The following GRIK2 variants were observed in gnomAD, a reference collection of about 807,000 sequenced individuals.
GRIK2 encodes glutamate ionotropic receptor kainate type subunit 2.
In GRIK2, 32 loss-of-function variants were observed where a neutral mutation model predicts 100.3. That is an observed-to-expected ratio of 0.32 (90% CI 0.24 to 0.43). The LOEUF (loss-of-function observed/expected upper bound fraction) is 0.43, where lower values mean the gene tolerates loss of function less well. GRIK2 is among the 20% of genes least tolerant of loss of function. GRIK2 has a pLI of 1.00. For missense variants in GRIK2, 843 were observed against 1,114.9 expected, an observed-to-expected ratio of 0.76 and a Z score of 3.47; for synonymous variants, 417 against 389.4, an observed-to-expected ratio of 1.07 and a Z score of -0.83.
intron 2 of GRIK2, among the ~76,000 whole-genome samples, chr6:101,527,464 T>C (rs1775211690): frequency 6.6e-6 from 1 of 152,172 alleles, no homozygotes; most frequent in Non-Finnish European, 1.5e-5. Context: ...TCAAGGCAGA[T>C]ATATTATGAT....
In GRIK2 at chr6:101,509,090, G is replaced by A. The variant is rs188012483; in HGVS notation, c.115+109698G>A. ...GGAGAATGGCGTCAACCAGGGAGGC[G>A]GAGCTTGCAGTGAGCCGAGATCATG... On this transcript the variant is annotated intron_variant, in intron 2 of 16. Transcript: ENST00000369134. Among the ~76,000 whole-genome samples the A allele has an allele frequency of 3.8e-3, 570 of 150,832 alleles. 5 individuals carry two copies. The highest frequency in any genetic ancestry group is 0.013 in the African/African-American group (547 of 41,052).
chr6:101,591,400 T>G (rs1778633220), intron 2 of GRIK2, among the ~76,000 whole-genome samples: 1 of 151,958 alleles, frequency 6.6e-6, no homozygotes, highest in Non-Finnish European at 1.5e-5. Context: ...ACTCTTTATC[T>G]GCCAAATCAT....
intron 2 of GRIK2, among the ~76,000 whole-genome samples, chr6:101,551,628 C>G (rs900942686): frequency 1.8e-4 from 28 of 152,122 alleles, no homozygotes; most frequent in Admixed American, 6.5e-5. Flanking sequence ...CCGCACTGTT[C>G]TGGACTCTTG....
At chr6:101,783,200 G>C (rs918919454) in intron 7 of GRIK2, among the ~76,000 whole-genome samples, 1 of 152,036 alleles carries the variant, frequency 6.6e-6, no homozygotes, top group African/African-American at 2.4e-5. Context: ...GACAAAGGAG[G>C]GACCTAGTGG....
intron 4 of GRIK2, among the ~76,000 whole-genome samples, chr6:101,655,858 A>G (rs1465159215): frequency 6.6e-6 from 1 of 152,158 alleles, no homozygotes; most frequent in Non-Finnish European, 1.5e-5. Context: ...CCACTGCTTA[A>G]TATCAGTTAT....
chr6:101,515,429 C>T (rs1473750163), intron 2 of GRIK2, among the ~76,000 whole-genome samples: 1 of 152,080 alleles, frequency 6.6e-6, no homozygotes, highest in Non-Finnish European at 1.5e-5. Context: ...TGGGTAGATA[C>T]CCAGTAGTGG....
intron 7 of GRIK2, among the ~76,000 whole-genome samples, chr6:101,773,495 G>GAA (rs910994228): frequency 3.8e-5 from 5 of 133,150 alleles, no homozygotes; most frequent in African/African-American, 8.7e-5. Context: ...AAAAAAAAAG[G>GAA]AAAAAAAAAA....
rs146360806 is a variant in GRIK2 at position 102,068,558 on chromosome 6, A to G, written c.*47A>G. The G allele has an allele frequency of 8.4e-6, 13 of 1,549,162 alleles. No homozygotes were observed. Among genetic ancestry groups the G allele is most frequent in the Non-Finnish European group, 1.1e-5 (12 of 1,129,382 alleles). On this transcript the variant is annotated 3_prime_UTR_variant, in exon 17 of 17. Coordinates refer to ENST00000369134, the MANE Select transcript of GRIK2 (RefSeq NM_021956.5). Reference sequence around the variant, plus strand: ...AGCACAAACTGTCGTCTTTTTCCAAACAATTTAGCCAGAATGTTTCCTGTG... The same window carrying G: ...AGCACAAACTGTCGTCTTTTTCCAAGCAATTTAGCCAGAATGTTTCCTGTG...
rs186680668 is a variant in GRIK2, at chr6:101,901,273, G to C, written c.1748+11410G>C. ...TTTAAAGCCACTCTTAATTTGATTG[G>C]ACAATTGGGTGTTTTAGAAAAAAAA... On this transcript the variant is annotated intron_variant, in intron 12 of 16. Coordinates refer to ENST00000369134, the MANE Select transcript of GRIK2 (RefSeq NM_021956.5). 3.2e-4 allele frequency among the ~76,000 whole-genome samples: 48 copies of C among 151,778 alleles called. 1 individual carries two copies. Among genetic ancestry groups the C allele is most frequent in the Admixed American group, 2.8e-3 (43 of 15,236 alleles).
At chr6:101,499,057 A>G (rs1232315220) in intron 2 of GRIK2, among the ~76,000 whole-genome samples, 1 of 152,134 alleles carries the variant, frequency 6.6e-6, no homozygotes, top group East Asian at 1.9e-4. Flanking sequence ...TGGTGCTGGG[A>G]AAACTGGCTA....
At chr6:101,762,509 A>C (rs1051647953) in intron 7 of GRIK2, among the ~76,000 whole-genome samples, 5 of 152,052 alleles carry the variant, frequency 3.3e-5, no homozygotes, top group African/African-American at 1.2e-4. Flanking sequence ...CAGGGATTAC[A>C]CGTGTGAGCC....
chr6:101,875,285 A>T (rs1238604004), intron 11 of GRIK2, among the ~76,000 whole-genome samples: 5 of 151,872 alleles, frequency 3.3e-5, no homozygotes, highest in Non-Finnish European at 5.9e-5. Flanking sequence ...GTGGACAAGA[A>T]ACCAAGGACA....
chr6:101,564,755 A>T (rs952535364), intron 2 of GRIK2, among the ~76,000 whole-genome samples: 3 of 152,088 alleles, frequency 2.0e-5, no homozygotes, highest in Non-Finnish European at 4.4e-5. Flanking sequence ...TCAGCATATG[A>T]TCTGGTACCA....
chr6:101,796,253 A>G (rs1176784991), intron 7 of GRIK2, among the ~76,000 whole-genome samples: 1 of 152,214 alleles, frequency 6.6e-6, no homozygotes. Context: ...TATGGAAATT[A>G]AAGGAATTAA....
At chr6:101,669,805 A>G (rs1051495322) in intron 4 of GRIK2, among the ~76,000 whole-genome samples, 1 of 152,110 alleles carries the variant, frequency 6.6e-6, no homozygotes, top group African/African-American at 2.4e-5. Context: ...CTTTTTGTCA[A>G]CCATCTTCCA....
intron 7 of GRIK2, among the ~76,000 whole-genome samples, chr6:101,731,006 T>G (rs552505694): frequency 1.7e-4 from 26 of 152,012 alleles, no homozygotes; most frequent in Non-Finnish European, 3.2e-4. Flanking sequence ...TGCATTGAAA[T>G]GCAAAATAGA....
chr6:101,530,790 A>G (rs1239772015), intron 2 of GRIK2, among the ~76,000 whole-genome samples: 2 of 152,148 alleles, frequency 1.3e-5, no homozygotes, highest in Non-Finnish European at 2.9e-5. Context: ...CAAACATGAC[A>G]TGGAATTTGA....
intron 9 of GRIK2, among the ~76,000 whole-genome samples, chr6:101,815,867 A>G (rs566427892): frequency 2.6e-5 from 4 of 152,306 alleles, no homozygotes; most frequent in African/African-American, 9.6e-5. Context: ...ATGTCATAAT[A>G]TTACGCTAAG....
chr6:101,395,038 C>G (rs565413801), intron 1 of GRIK2, among the ~76,000 whole-genome samples: 3 of 152,250 alleles, frequency 2.0e-5, no homozygotes, highest in Admixed American at 6.5e-5. Context: ...AATCAAAACT[C>G]TAAATGTCAT....
Sources: allele counts gnomAD v4.1 joint callset (sites outside exome capture counted in the v4.1 genomes callset), GRCh38; gene constraint gnomAD v4.1.1; transcripts MANE v1.5; gene names NCBI Gene and HGNC (gene_info 2026-07-23, HGNC 2026-07-21).